Variants in SGIP1 observed in about 807,000 individuals in gnomAD.
SGIP1 encodes the protein SH3-containing GRB2-like protein 3-interacting protein 1.
In SGIP1, 38 loss-of-function variants were observed where a neutral mutation model predicts 107.5. The ratio of observed to expected loss-of-function variants is 0.35; its 90% confidence interval spans 0.27 to 0.46. The LOEUF (loss-of-function observed/expected upper bound fraction) is 0.46. SGIP1 is among the 20% of genes least tolerant of loss of function. The pLI, the probability that SGIP1 is intolerant of heterozygous loss-of-function variation, is 1.00. For synonymous variants in SGIP1, 365 were observed against 366.1 expected (o/e 1.00, Z 0.03); for missense variants, 929 against 1,019.5 (o/e 0.91, Z 1.21).
chr1:66,597,574 T>G (rs532075050), intron 1 of SGIP1, among the ~76,000 whole-genome samples: 1 of 152,310 alleles, frequency 6.6e-6, no homozygotes, highest in Admixed American at 6.5e-5. Context: ...GATTCTCCAG[T>G]CTATGACAGA....
intron 1 of SGIP1, among the ~76,000 whole-genome samples, chr1:66,609,515 G>A (rs1224427705): frequency 6.6e-6 from 1 of 152,182 alleles, no homozygotes; most frequent in Non-Finnish European, 1.5e-5. Flanking sequence ...AGATAAAACT[G>A]GAGAAATACA....
Position 66,654,544 on chromosome 1 carries a change from G to GA in SGIP1, c.460-5959dup, listed in dbSNP as rs920760330. Among the ~76,000 whole-genome samples, 108 of 148,750 alleles carry GA rather than the reference G, an allele frequency of 7.3e-4. 1 individual carries two copies. The highest frequency in any genetic ancestry group is 6.8e-3 in the Middle Eastern group (2 of 292). ...AGTATAAATAAGCATAACAGTATAA[G>GA]AAAAAAAAAATCTATCCCTTTGCCC... On this transcript the variant is annotated intron_variant, in intron 7 of 24. Coordinates refer to ENST00000371037, the MANE Select transcript of SGIP1 (RefSeq NM_032291.4).
At chr1:66,618,853 C>G (rs2070156961) in intron 1 of SGIP1, among the ~76,000 whole-genome samples, 1 of 152,194 alleles carries the variant, frequency 6.6e-6, no homozygotes, top group Non-Finnish European at 1.5e-5. Flanking sequence ...ACCTCTTAGA[C>G]TCTCTATCAA....
intron 21 of SGIP1, 33 bp from the exon 22 acceptor site, chr1:66,739,302 A>C: frequency 6.2e-7 from 1 of 1,606,862 alleles, no homozygotes; most frequent in Non-Finnish European, 8.5e-7. Flanking sequence ...TCCCTGTCAT[A>C]TGTTGTTATT....
chr1:66,698,748 G>T (rs978861241), intron 18 of SGIP1, among the ~76,000 whole-genome samples: 2 of 152,104 alleles, frequency 1.3e-5, no homozygotes, highest in African/African-American at 4.8e-5. Context: ...TCTGAGGTGG[G>T]AGGGCAAGAT....
intron 16 of SGIP1, 68 bp from the exon 17 acceptor site, chr1:66,690,122 T>A: frequency 6.3e-7 from 1 of 1,587,330 alleles, no homozygotes. Flanking sequence ...TGGGAGACAT[T>A]AAAAATATGG....
At chr1:66,650,884 A>G (rs144205896) in intron 7 of SGIP1, among the ~76,000 whole-genome samples, 1 of 152,138 alleles carries the variant, frequency 6.6e-6, no homozygotes, top group Non-Finnish European at 1.5e-5. Flanking sequence ...TTTGTTCCTT[A>G]CTGATTAAGA....
intron 1 of SGIP1, among the ~76,000 whole-genome samples, chr1:66,612,507 T>A (rs2068244098): frequency 6.6e-6 from 1 of 152,262 alleles, no homozygotes; most frequent in Non-Finnish European, 1.5e-5. Flanking sequence ...TCTTTACTTT[T>A]ATATGATGTA....
At chr1:66,671,151 T>G (rs776921052) in intron 10 of SGIP1, 132 bp downstream of exon 10, 95 of 430,642 alleles carry the variant, frequency 2.2e-4, no homozygotes, top group Non-Finnish European at 3.4e-4. Context: ...TTTTTTTACT[T>G]TTACAGCAAA....
chr1:66,600,112 C>T (rs2065487273), intron 1 of SGIP1, among the ~76,000 whole-genome samples: 1 of 152,160 alleles, frequency 6.6e-6, no homozygotes, highest in Admixed American at 6.5e-5. Flanking sequence ...TGCCTTTGTT[C>T]AGTGGCATTT....
intron 7 of SGIP1, among the ~76,000 whole-genome samples, chr1:66,649,080 G>A (rs774204706): frequency 6.6e-5 from 10 of 152,124 alleles, no homozygotes; most frequent in Non-Finnish European, 7.4e-5. Context: ...GCTTCCCCAT[G>A]TTCAGCCTTC....
At chr1:66,726,629 G>A (rs112456901) in intron 19 of SGIP1, among the ~76,000 whole-genome samples, 1,920 of 152,204 alleles carry the variant, frequency 0.013, 42 homozygotes, top group African/African-American at 0.044. Flanking sequence ...AAGGTAATTC[G>A]GTGGAGAAAG....
chr1:66,605,913 G>T (rs1450568129), intron 1 of SGIP1, among the ~76,000 whole-genome samples: 2 of 152,086 alleles, frequency 1.3e-5, no homozygotes, highest in African/African-American at 4.8e-5. Context: ...ATTGCTTCGC[G>T]GTTCAGCCAA....
chr1:66,548,502 A>C (rs1203363871), intron 1 of SGIP1, among the ~76,000 whole-genome samples: 1 of 152,122 alleles, frequency 6.6e-6, no homozygotes, highest in Non-Finnish European at 1.5e-5. Flanking sequence ...ACAGCTGAAA[A>C]AAATGAAGAT....
chr1:66,565,504 A>G (rs2059518937), intron 1 of SGIP1, among the ~76,000 whole-genome samples: 1 of 152,044 alleles, frequency 6.6e-6, no homozygotes, highest in Admixed American at 6.6e-5. Flanking sequence ...CAAGAAACTT[A>G]CAGATTAATT....
intron 18 of SGIP1, among the ~76,000 whole-genome samples, chr1:66,707,278 T>C (rs2092592951): frequency 6.6e-6 from 1 of 152,182 alleles, no homozygotes; most frequent in South Asian, 2.1e-4. Context: ...CTATCTTCAG[T>C]ATAACCATCA....
chr1:66,748,661 GT>G lies in SGIP1; in HGVS notation c.*5570del, dbSNP rs1449911822. Among the ~76,000 whole-genome samples, 2 of 151,812 alleles carry G rather than the reference GT, an allele frequency of 1.3e-5. No individual in the cohort carries two copies. The highest frequency in any genetic ancestry group is 2.9e-5 in the Non-Finnish European group (2 of 67,814). ...ATACATCTTTATCCTTGTAAAAAAT[GT>G]TTTGGCAAAAAACAAATATATTTTT... On this transcript the variant is annotated 3_prime_UTR_variant, in exon 25 of 25. Transcript: ENST00000371037.
intron 10 of SGIP1, 95 bp from the exon 11 acceptor site, chr1:66,671,849 G>A: frequency 8.4e-7 from 1 of 1,185,154 alleles, no homozygotes; most frequent in Non-Finnish European, 1.2e-6. Flanking sequence ...TTATTGATGG[G>A]ACTTAAATCT....
chr1:66,744,367 A>C lies in SGIP1; in HGVS notation c.*1272A>C, dbSNP rs558267843. 89 of 152,152 alleles carry C rather than the reference A, an allele frequency of 5.8e-4. No homozygotes were observed. Among genetic ancestry groups the C allele is most frequent in the Non-Finnish European group, 1.1e-3 (73 of 67,956 alleles). The allele number at this position is 152,152 out of a possible 1,614,324, so 9.4% of individuals were successfully genotyped here. ...GCAAGGTATAATAAAAACTGTAATT[A>C]TTCAATCTGGCCCTGCCATATGAAC... is the stretch of plus-strand genomic sequence containing the variant. On this transcript the variant is annotated 3_prime_UTR_variant, in exon 25 of 25. Coordinates refer to ENST00000371037, the MANE Select transcript of SGIP1 (RefSeq NM_032291.4).
Sources: allele counts gnomAD v4.1 joint callset (sites outside exome capture counted in the v4.1 genomes callset), GRCh38; gene constraint gnomAD v4.1.1; transcripts MANE v1.5; gene names NCBI Gene and HGNC (gene_info 2026-07-23, HGNC 2026-07-21).